Variants in GSG1L observed in about 807,000 individuals in gnomAD.
GSG1L encodes germ cell-specific gene 1-like protein.
GSG1L carries 24 observed loss-of-function variants against 42.1 expected under a neutral mutation model. That is an observed-to-expected ratio of 0.57 (90% CI 0.41 to 0.80). The LOEUF is 0.80. Ranked by LOEUF, GSG1L falls within the 30% of genes least tolerant of loss-of-function variation. The pLI, the probability that GSG1L is intolerant of heterozygous loss-of-function variation, is 0.00. For missense variants in GSG1L, 445 were observed against 472.2 expected (o/e 0.94, Z 0.53); for synonymous variants, 215 against 203.5 (o/e 1.06, Z -0.48).
At chr16:28,044,530 A>G (rs954642342) in intron 1 of GSG1L, among the ~76,000 whole-genome samples, 4 of 152,206 alleles carry the variant, frequency 2.6e-5, no homozygotes, top group African/African-American at 9.6e-5. Context: ...AGGTGAGTAG[A>G]TAAACTACAG....
chr16:27,823,789 TC>T, intron 5 of GSG1L: 1 of 695,342 alleles, frequency 1.4e-6, no homozygotes, highest in South Asian at 1.5e-5. Context: ...AGATAATTGA[TC>T]AAGCCTGAGA....
intron 1 of GSG1L, among the ~76,000 whole-genome samples, chr16:27,967,942 T>G (rs2085153585): frequency 6.6e-6 from 1 of 151,938 alleles, no homozygotes; most frequent in African/African-American, 2.4e-5. Flanking sequence ...TAATATAAAG[T>G]GTTGTGCTGG....
intron 1 of GSG1L, among the ~76,000 whole-genome samples, chr16:28,043,984 TGCACTCCA>T (rs1268080742): frequency 2.0e-5 from 3 of 151,680 alleles, no homozygotes; most frequent in Non-Finnish European, 4.4e-5. Context: ...ATTGTGCCAT[TGCACTCCA>T]GCCTGGGCAA....
chr16:27,985,705 C>T (rs918988601), intron 1 of GSG1L, among the ~76,000 whole-genome samples: 9 of 151,918 alleles, frequency 5.9e-5, no homozygotes, highest in Non-Finnish European at 4.4e-5. Context: ...CAAAGTTAGC[C>T]AGGCAGAATC....
chr16:27,948,405 G>A (rs931704209), intron 2 of GSG1L, among the ~76,000 whole-genome samples: 3 of 151,980 alleles, frequency 2.0e-5, no homozygotes, highest in South Asian at 2.1e-4. Context: ...GCAGGGTCTC[G>A]CTCTGTTGTC....
At chr16:27,845,493 C>T (rs1209768130) in intron 3 of GSG1L, among the ~76,000 whole-genome samples, 1 of 152,170 alleles carries the variant, frequency 6.6e-6, no homozygotes, top group Non-Finnish European at 1.5e-5. Flanking sequence ...ACATCAGCCT[C>T]CCCAAGTGCT....
intron 1 of GSG1L, among the ~76,000 whole-genome samples, chr16:28,026,842 G>A (rs1314668486): frequency 6.6e-6 from 1 of 152,224 alleles, no homozygotes; most frequent in East Asian, 1.9e-4. Flanking sequence ...AACACTTTGG[G>A]AGGCTGAGGT....
chr16:28,017,972 A>C (rs534449813), intron 1 of GSG1L, among the ~76,000 whole-genome samples: 2 of 152,314 alleles, frequency 1.3e-5, no homozygotes, highest in Middle Eastern at 3.4e-3. Context: ...GTATTTTATT[A>C]TTCTTCTTAG....
intron 4 of GSG1L, among the ~76,000 whole-genome samples, chr16:27,833,056 TCTTA>T (rs1381348094): frequency 6.6e-6 from 1 of 152,256 alleles, no homozygotes; most frequent in Non-Finnish European, 1.5e-5. Context: ...AAAGATTTTC[TCTTA>T]CTTTTCTAAA....
chr16:27,969,439 C>T (rs2085168720), intron 1 of GSG1L, among the ~76,000 whole-genome samples: 1 of 152,128 alleles, frequency 6.6e-6, no homozygotes, highest in African/African-American at 2.4e-5. Flanking sequence ...CATGAAATGC[C>T]ATTTCATATA....
chr16:28,038,462 G>T (rs1206843108), intron 1 of GSG1L, among the ~76,000 whole-genome samples: 1 of 152,190 alleles, frequency 6.6e-6, no homozygotes. Flanking sequence ...CCTCTGGAGG[G>T]TCTCCCCTGA....
intron 6 of GSG1L, among the ~76,000 whole-genome samples, chr16:27,806,106 C>A (rs1039688354): frequency 6.6e-6 from 1 of 152,076 alleles, no homozygotes; most frequent in African/African-American, 2.4e-5. Flanking sequence ...GTTGTCCCTG[C>A]AGGAGGAGTT....
intron 2 of GSG1L, among the ~76,000 whole-genome samples, chr16:27,948,307 T>C (rs561904905): frequency 6.6e-6 from 1 of 152,330 alleles, no homozygotes; most frequent in Admixed American, 6.5e-5. Context: ...CTTCAAGTTG[T>C]TGGGGAATCA....
At chr16:27,986,696 G>A (rs933281992) in intron 1 of GSG1L, among the ~76,000 whole-genome samples, 2 of 152,172 alleles carry the variant, frequency 1.3e-5, no homozygotes, top group African/African-American at 4.8e-5. Context: ...ACTGTCCGTG[G>A]TGCTTCTTTC....
intron 5 of GSG1L, among the ~76,000 whole-genome samples, chr16:27,821,908 G>GTAAATAAATAAATAAA (rs10544246): frequency 2.1e-3 from 313 of 150,084 alleles, no homozygotes; most frequent in African/African-American, 7.4e-3. Flanking sequence ...TCTCAAAAAA[G>GTAAATAAATAAATAAA]TAAATAAATA....
At chr16:27,880,200 A>G (rs1427196798) in intron 3 of GSG1L, among the ~76,000 whole-genome samples, 1 of 152,118 alleles carries the variant, frequency 6.6e-6, no homozygotes, top group Non-Finnish European at 1.5e-5. Context: ...GGGGCTCCCT[A>G]AAGACCAGCC....
chr16:27,995,105 A>T (rs2085501103), intron 1 of GSG1L, among the ~76,000 whole-genome samples: 1 of 152,192 alleles, frequency 6.6e-6, no homozygotes, highest in Admixed American at 6.5e-5. Context: ...CCCAAGCAGC[A>T]CTGGGTCTCA....
At chr16:27,810,921 C>A (rs905350844) in intron 5 of GSG1L, among the ~76,000 whole-genome samples, 4 of 152,174 alleles carry the variant, frequency 2.6e-5, no homozygotes, top group African/African-American at 9.7e-5. Flanking sequence ...CTCCTGACCT[C>A]AGGTGATCCA....
intron 2 of GSG1L, among the ~76,000 whole-genome samples, chr16:27,939,275 C>A (rs1187111502): frequency 6.6e-6 from 1 of 152,124 alleles, no homozygotes. Flanking sequence ...GCACGCACCA[C>A]CACACCCAGC....
Sources: allele counts gnomAD v4.1 joint callset (sites outside exome capture counted in the v4.1 genomes callset), GRCh38; gene constraint gnomAD v4.1.1; transcripts MANE v1.5; gene names NCBI Gene and HGNC (gene_info 2026-07-23, HGNC 2026-07-21).